The following CHRM3 variants were observed in gnomAD, a reference collection of about 807,000 sequenced individuals.
The protein encoded by CHRM3 is cholinergic receptor muscarinic 3.
Under a neutral mutation model 41.8 loss-of-function variants are expected in CHRM3, and 11 were observed. The ratio of observed to expected loss-of-function variants is 0.26; its 90% CI spans 0.17 to 0.44. The LOEUF is 0.44. CHRM3 is among the 20% of genes least tolerant of loss of function. CHRM3 has a pLI of 1.00. For synonymous variants in CHRM3, 297 were observed against 301.4 expected, an observed-to-expected ratio of 0.99 and a Z score of 0.15; for missense variants, 571 against 745.4, an observed-to-expected ratio of 0.77 and a Z score of 2.72.
chr1:239,412,797 G>T (rs1485640955), intron 1 of CHRM3, among the ~76,000 whole-genome samples: 2 of 151,986 alleles, frequency 1.3e-5, no homozygotes, highest in Non-Finnish European at 2.9e-5. Context: ...ATTATTAATG[G>T]TCCACCAGAA....
At chr1:239,427,526 CTT>C (rs756325240) in intron 1 of CHRM3, among the ~76,000 whole-genome samples, 9 of 152,086 alleles carry the variant, frequency 5.9e-5, no homozygotes, top group Non-Finnish European at 1.2e-4. Context: ...ACCTCCCTCT[CTT>C]GCCACCATCT....
At chr1:239,719,369 C>T (rs1441127536) in intron 5 of CHRM3, among the ~76,000 whole-genome samples, 1 of 151,794 alleles carries the variant, frequency 6.6e-6, no homozygotes, top group African/African-American at 2.4e-5. Flanking sequence ...AATATAGCAC[C>T]CTATAATTCA....
intron 4 of CHRM3, among the ~76,000 whole-genome samples, chr1:239,638,389 A>T (rs1193328111): frequency 6.6e-6 from 1 of 151,958 alleles, no homozygotes; most frequent in Non-Finnish European, 1.5e-5. Context: ...GCAGTGTAAA[A>T]TTGTTCCTGT....
intron 5 of CHRM3, among the ~76,000 whole-genome samples, chr1:239,786,358 C>T (rs1187488734): frequency 6.6e-6 from 1 of 152,076 alleles, no homozygotes; most frequent in East Asian, 1.9e-4. Flanking sequence ...TGCCAGGCAC[C>T]ATTCTAAACA....
chr1:239,599,421 G>A (rs1324911432), intron 3 of CHRM3, among the ~76,000 whole-genome samples: 1 of 101,544 alleles, frequency 9.8e-6, no homozygotes, highest in East Asian at 3.1e-4. Flanking sequence ...TAAATCCTCT[G>A]TTTACTGTTT....
At chr1:239,504,413 A>G (rs937708181) in intron 2 of CHRM3, among the ~76,000 whole-genome samples, 1 of 152,200 alleles carries the variant, frequency 6.6e-6, no homozygotes, top group African/African-American at 2.4e-5. Context: ...ATCAAAAAAC[A>G]GTAGATGTTG....
At chr1:239,410,626 G>T (rs934757724) in intron 1 of CHRM3, among the ~76,000 whole-genome samples, 3 of 152,120 alleles carry the variant, frequency 2.0e-5, no homozygotes, top group African/African-American at 7.2e-5. Flanking sequence ...TTTACCTCCC[G>T]TATGGATTCC....
intron 2 of CHRM3, among the ~76,000 whole-genome samples, chr1:239,504,938 A>G (rs1668470832): frequency 6.6e-6 from 1 of 152,118 alleles, no homozygotes; most frequent in Admixed American, 6.6e-5. Context: ...GGCAAGGGAT[A>G]AAAGACTACA....
At chr1:239,854,224 C>T (rs1330996054) in intron 6 of CHRM3, among the ~76,000 whole-genome samples, 1 of 152,046 alleles carries the variant, frequency 6.6e-6, no homozygotes. Flanking sequence ...AATGATCATG[C>T]TTGGAATATG....
At chr1:239,461,386 C>T (rs1572382551) in intron 1 of CHRM3, among the ~76,000 whole-genome samples, 2 of 152,060 alleles carry the variant, frequency 1.3e-5, no homozygotes, top group African/African-American at 4.8e-5. Context: ...GAATCTCAAG[C>T]TAGCTCAGGG....
intron 3 of CHRM3, among the ~76,000 whole-genome samples, chr1:239,615,092 AG>A (rs1377168651): frequency 6.6e-6 from 1 of 152,148 alleles, no homozygotes; most frequent in East Asian, 1.9e-4. Flanking sequence ...AGGATGCGGG[AG>A]GTCAGGCTTT....
intron 5 of CHRM3, among the ~76,000 whole-genome samples, chr1:239,687,981 T>C (rs965723617): frequency 3.3e-5 from 5 of 152,080 alleles, no homozygotes; most frequent in African/African-American, 1.2e-4. Flanking sequence ...TGGATGTATG[T>C]TCTTACCACC....
rs142511395 is a variant in CHRM3 at position 239,908,710 on chromosome 1, T to C, written c.1259T>C (p.Phe420Ser). ...AAGAGCGTGGACGATGGAGGCAGTT[T>C]TCCAAAAAGCTTCTCCAAGCTTCCC... is the stretch of plus-strand genomic sequence containing the variant. ...AQKSVDDGGS[F>S]PKSFSKLPIQ... is the part of the protein sequence containing the mutation. The change falls in exon 7 of 7, where the codon TTT becomes TCT. Residue 420 changes from phenylalanine to serine, a missense_variant. Physicochemically the swap from Phe to Ser is radical, Grantham distance 155. Transcript: ENST00000676153. The surrounding 1 kb of genome is among the most constrained non-coding windows in gnomAD (Gnocchi z 7.2). 39 of 1,613,026 alleles carry C rather than the reference T, an allele frequency of 2.4e-5. No homozygotes were observed. The highest frequency in any genetic ancestry group is 4.0e-5 in the African/African-American group (3 of 74,834).
chr1:239,654,491 T>G (rs545769081), intron 4 of CHRM3, among the ~76,000 whole-genome samples: 5 of 152,288 alleles, frequency 3.3e-5, no homozygotes, highest in Non-Finnish European at 5.9e-5. Flanking sequence ...CTTCGCCTCC[T>G]GGGTTCAAGT....
chr1:239,781,278 C>G (rs1668491948), intron 5 of CHRM3, among the ~76,000 whole-genome samples: 7 of 152,178 alleles, frequency 4.6e-5, no homozygotes, highest in Middle Eastern at 3.4e-3. Flanking sequence ...TCTTTGACAG[C>G]TTTTATAGTT....
At chr1:239,888,368 C>CA (rs561810044) in intron 6 of CHRM3, among the ~76,000 whole-genome samples, 4,518 of 137,168 alleles carry the variant, frequency 0.033, 134 homozygotes, top group African/African-American at 0.081. Context: ...GACTCTGTCT[C>CA]AAAAAAAAAA....
intron 6 of CHRM3, among the ~76,000 whole-genome samples, chr1:239,842,627 A>G (rs1045078455): frequency 4.6e-5 from 7 of 152,236 alleles, no homozygotes; most frequent in African/African-American, 1.7e-4. Flanking sequence ...CCATATACGC[A>G]TCTATTTTGC....
rs34078965 is a variant in CHRM3 at position 239,674,709 on chromosome 1, CAAA to C, written c.-249-3461_-249-3459del. On this transcript the variant is annotated intron_variant, in intron 4 of 6. Coordinates refer to ENST00000676153, the MANE Select transcript of CHRM3 (RefSeq NM_001375978.1). ...TGAGCGACAGACTGAGACTCCATCT[CAAA>C]AAAAAAAAAAAAAAAGAAAGAAAAA... 3.2e-5 allele frequency among the ~76,000 whole-genome samples: 3 copies of C among 92,754 alleles called. No individual in the cohort carries two copies. In the South Asian group the frequency reaches 1.2e-3, roughly 36 times the overall value. The allele number at this position is 92,754 out of a possible 152,430, so 60.9% of individuals were successfully genotyped here. A position where few individuals can be genotyped will look rare whatever the true frequency, so the allele number is the denominator to read the frequency against.
chr1:239,837,647 A>C (rs1028450894), intron 6 of CHRM3, among the ~76,000 whole-genome samples: 1 of 152,254 alleles, frequency 6.6e-6, no homozygotes, highest in Admixed American at 6.5e-5. Context: ...CCAGCAAAAT[A>C]TCTTTGTGCT....
Sources: gnomAD v4.1 joint callset for allele counts (sites outside exome capture counted in the v4.1 genomes callset) on GRCh38, gnomAD v4.1.1 for gene constraint, Gnocchi (gnomAD v3.1) non-coding constraint, MANE v1.5 for transcripts, NCBI Gene and HGNC (gene_info 2026-07-23, HGNC 2026-07-21) for gene names.